SPAG16: variants seen among roughly 807,000 people sequenced by gnomAD.
The protein encoded by SPAG16 is sperm-associated antigen 16 protein.
Under a neutral mutation model 80.4 loss-of-function variants are expected in SPAG16, and 86 were observed. The ratio of observed to expected loss-of-function variants is 1.07; its 90% CI spans 0.90 to 1.28. SPAG16 has a LOEUF of 1.28. Ranked by LOEUF, SPAG16 falls within the 50% of genes most tolerant of loss-of-function variation. The probability of loss-of-function intolerance (pLI) is 0.00; values close to 1 mark genes in which losing one functional copy is unlikely to be tolerated. For missense variants in SPAG16, 870 were observed against 765.3 expected (o/e 1.14, Z -1.61); for synonymous variants, 294 against 265.9 (o/e 1.11, Z -1.03).
At chr2:213,677,583 A>G (rs2064151509) in intron 10 of SPAG16, among the ~76,000 whole-genome samples, 1 of 152,140 alleles carries the variant, frequency 6.6e-6, no homozygotes, top group Non-Finnish European at 1.5e-5. Context: ...CTAAATATAT[A>G]TGCACCCAAT....
At chr2:213,308,269 T>C (rs530918481) in intron 3 of SPAG16, among the ~76,000 whole-genome samples, 8 of 152,156 alleles carry the variant, frequency 5.3e-5, no homozygotes, top group South Asian at 2.1e-4. Context: ...TTACATGATA[T>C]AATAATTTTT....
chr2:213,515,601 G>A (rs185631846), intron 10 of SPAG16, among the ~76,000 whole-genome samples: 2 of 151,918 alleles, frequency 1.3e-5, no homozygotes, highest in Non-Finnish European at 1.5e-5. Context: ...AAACAGTTTG[G>A]TTCTATACTT....
At chr2:213,353,798 A>G (rs1307688546) in intron 7 of SPAG16, among the ~76,000 whole-genome samples, 1 of 152,124 alleles carries the variant, frequency 6.6e-6, no homozygotes, top group Non-Finnish European at 1.5e-5. Flanking sequence ...TGTTACAGCA[A>G]TCCTGATTTA....
At chr2:213,734,137 G>T (rs558620882) in intron 10 of SPAG16, among the ~76,000 whole-genome samples, 1 of 152,212 alleles carries the variant, frequency 6.6e-6, no homozygotes, top group East Asian at 1.9e-4. Context: ...ATGCCCCTGG[G>T]TATGATTTAG....
rs1400630523 is a variant in SPAG16 at position 214,039,289 on chromosome 2, G to T, written c.1527+25212G>T. 3.3e-5 allele frequency among the ~76,000 whole-genome samples: 5 copies of T among 152,200 alleles called. No homozygotes were observed. The East Asian group carries it at 9.7e-4, about 29-fold the overall frequency. The stretch of plus-strand genomic sequence containing the variant: ...GGTTTTGATTTGCATTTCTCTGATG[G>T]CCAGTGATGATGAGCATTTTTTCAT... On this transcript the variant is annotated intron_variant, in intron 13 of 15. Coordinates refer to ENST00000331683, the MANE Select transcript of SPAG16 (RefSeq NM_024532.5).
chr2:213,813,909 C>T (rs1033461944), intron 10 of SPAG16, among the ~76,000 whole-genome samples: 2 of 152,020 alleles, frequency 1.3e-5, no homozygotes, highest in African/African-American at 4.8e-5. Context: ...CTGAGAAGCC[C>T]ATACTCTGAG....
chr2:213,754,781 T>G (rs766449285), intron 10 of SPAG16, among the ~76,000 whole-genome samples: 2 of 152,296 alleles, frequency 1.3e-5, no homozygotes, highest in Admixed American at 6.5e-5. Flanking sequence ...AATCATCTGG[T>G]GTGTGCTCAG....
At chr2:213,522,399 A>G (rs1314716709) in intron 10 of SPAG16, among the ~76,000 whole-genome samples, 1 of 152,220 alleles carries the variant, frequency 6.6e-6, no homozygotes, top group East Asian at 1.9e-4. Flanking sequence ...TCTAGAGGCA[A>G]TCCTGTCAAC....
At chr2:213,785,269 A>G (rs1027289805) in intron 10 of SPAG16, among the ~76,000 whole-genome samples, 1 of 152,194 alleles carries the variant, frequency 6.6e-6, no homozygotes, top group African/African-American at 2.4e-5. Flanking sequence ...AAAATATTCT[A>G]TAAGCTGAAG....
At chr2:213,754,964 C>T (rs890326587) in intron 10 of SPAG16, among the ~76,000 whole-genome samples, 3 of 152,194 alleles carry the variant, frequency 2.0e-5, no homozygotes, top group African/African-American at 7.2e-5. Flanking sequence ...CCTGTAATTA[C>T]TATTTCCTAA....
At chr2:213,813,082 A>G (rs191006728) in intron 10 of SPAG16, among the ~76,000 whole-genome samples, 9 of 152,302 alleles carry the variant, frequency 5.9e-5, no homozygotes, top group Admixed American at 5.2e-4. Context: ...AAGCCTTATA[A>G]GAATGTCACT....
intron 5 of SPAG16, among the ~76,000 whole-genome samples, chr2:213,339,732 A>G (rs1364122241): frequency 6.6e-6 from 1 of 152,150 alleles, no homozygotes; most frequent in African/African-American, 2.4e-5. Flanking sequence ...TGAATAATCT[A>G]GTATATTCTC....
At chr2:213,669,631 G>A (rs1441499778) in intron 10 of SPAG16, among the ~76,000 whole-genome samples, 14 of 152,090 alleles carry the variant, frequency 9.2e-5, no homozygotes, top group Non-Finnish European at 5.9e-5. Flanking sequence ...TGGTAAAATA[G>A]GACAGTATGA....
chr2:213,417,866 TTG>T (rs2125422024), intron 9 of SPAG16, among the ~76,000 whole-genome samples: 1 of 139,104 alleles, frequency 7.2e-6, no homozygotes, highest in South Asian at 2.2e-4. Context: ...TAGAAATTTA[TTG>T]TGTTTCAATT....
intron 10 of SPAG16, among the ~76,000 whole-genome samples, chr2:213,689,528 C>CTTTTTTTTT (rs397873153): frequency 5.5e-5 from 3 of 54,240 alleles, no homozygotes; most frequent in African/African-American, 7.8e-5. Flanking sequence ...AGTGCTGGGG[C>CTTTTTTTTT]TTTTTTTTTT....
intron 9 of SPAG16, among the ~76,000 whole-genome samples, chr2:213,386,132 T>C (rs1173222012): frequency 6.6e-6 from 1 of 152,176 alleles, no homozygotes; most frequent in East Asian, 1.9e-4. Flanking sequence ...CAGTTCAGAA[T>C]TGTGGCCTTG....
chr2:213,644,569 A>G (rs2062748381), intron 10 of SPAG16, among the ~76,000 whole-genome samples: 3 of 152,228 alleles, frequency 2.0e-5, no homozygotes, highest in African/African-American at 7.2e-5. Context: ...CCCCAAACCC[A>G]GTAATGCTGT....
chr2:214,254,053 C>A (rs1690498776), intron 15 of SPAG16, among the ~76,000 whole-genome samples: 1 of 152,082 alleles, frequency 6.6e-6, no homozygotes, highest in South Asian at 2.1e-4. Flanking sequence ...GTATTTTATT[C>A]TCTTTGTAGC....
At chr2:214,366,403 G>A (rs370423917) in intron 15 of SPAG16, among the ~76,000 whole-genome samples, 16 of 152,254 alleles carry the variant, frequency 1.1e-4, no homozygotes, top group African/African-American at 2.9e-4. Context: ...GTTTTGGTAC[G>A]ACCTACTTTT....
Sources: gnomAD v4.1 joint callset for allele counts (sites outside exome capture counted in the v4.1 genomes callset) on GRCh38, gnomAD v4.1.1 for gene constraint, MANE v1.5 for transcripts, NCBI Gene and HGNC (gene_info 2026-07-23, HGNC 2026-07-21) for gene names.